The following CABLES2 variants were observed in gnomAD, a reference collection of about 807,000 sequenced individuals.
CABLES2 encodes CDK5 and ABL1 enzyme substrate 2.
In CABLES2, 35 loss-of-function variants were observed where a neutral mutation model predicts 44.8. The ratio of observed to expected loss-of-function variants is 0.78; its 90% CI spans 0.60 to 1.04. The LOEUF (loss-of-function observed/expected upper bound fraction) is 1.04. Ranked by LOEUF, CABLES2 falls within the 50% of genes least tolerant of loss-of-function variation. The pLI, the probability that CABLES2 is intolerant of heterozygous loss-of-function variation, is 0.00. For synonymous variants in CABLES2, 282 were observed against 281.1 expected, an observed-to-expected ratio of 1.00 and a Z score of -0.03; for missense variants, 566 against 615.7, an observed-to-expected ratio of 0.92 and a Z score of 0.85.
At chr20:62,394,850 C>T (rs567502952) in intron 4 of CABLES2, 87 bp downstream of exon 4, 29 of 1,262,924 alleles carry the variant, frequency 2.3e-5, no homozygotes, top group African/African-American at 1.8e-4. Flanking sequence ...GCGCAGTGCC[C>T]GCTGATGCCT....
Position 62,407,242 on chromosome 20 carries a change from G to T in CABLES2, c.35C>A (p.Pro12Gln), listed in dbSNP as rs1250790930. Residue 12 changes from proline to glutamine, a missense_variant, in exon 1 of 10, where the codon CCG becomes CAG. Pro to Gln is a moderately conservative substitution (Grantham distance 76). Around this residue, in one of 2 missense-constraint regions of CABLES2, gnomAD observed 130 missense variants for 79.4 expected, o/e 1.64. Coordinates refer to ENST00000279101, the MANE Select transcript of CABLES2 (RefSeq NM_031215.3). ...AAAAAGGAPG[P>Q]APGPAGPPPP... ...CGGGGGCCCGGCGGGGCCGGGGGCC[G>T]GGCCCGGGGCTCCACCGGCCGCGGC... 3.8e-6 allele frequency: 3 copies of T among 781,166 alleles called. No homozygotes were observed. Among genetic ancestry groups the T allele is most frequent in the Middle Eastern group, 6.5e-4 (1 of 1,542 alleles). 48.4% of individuals were successfully genotyped at this position (781,166 alleles called of 1,614,324 possible).
In CABLES2 at chr20:62,396,248, C is replaced by G; in HGVS notation, c.527+67G>C. 7.4e-7 allele frequency: 1 copy of G among 1,353,812 alleles called. No individual in the cohort carries two copies. The highest frequency in any genetic ancestry group is 1.4e-5 in the African/African-American group (1 of 69,576). The allele number at this position is 1,353,812 out of a possible 1,614,324, so 83.9% of individuals were successfully genotyped here. A position where few individuals can be genotyped will look rare whatever the true frequency, so the allele number is the denominator to read the frequency against. On this transcript the variant is annotated intron_variant, in intron 3 of 9. Transcript: ENST00000279101. This position sits in a 1 kb window ranked among gnomAD's most constrained non-coding sequence, Gnocchi z 5.7. Reference sequence around the variant, plus strand: ...AGTGGAGGGAAGATTGCTTGGCTGACAGGGGCAGGACCCCGTGGGCTTATG... The same window carrying G: ...AGTGGAGGGAAGATTGCTTGGCTGAGAGGGGCAGGACCCCGTGGGCTTATG...
In CABLES2 at chr20:62,407,008, G is replaced by T; in HGVS notation, c.269C>A (p.Pro90His). 1 of 1,181,020 alleles carries T rather than the reference G, an allele frequency of 8.5e-7. No homozygotes were observed. Among genetic ancestry groups the T allele is most frequent in the Non-Finnish European group, 1.0e-6 (1 of 955,184 alleles). 73.2% of individuals were successfully genotyped at this position (1,181,020 alleles called of 1,614,324 possible). ...EPPAPPPPEPPTGLPARTPAP... is the reference protein window; with the variant it reads ...EPPAPPPPEPHTGLPARTPAP... ...GGGGGTCCTGGCGGGCAGCCCGGTG[G>T]GGGGCTCCGGCGGCGGCGGCGCTGG... is the stretch of plus-strand genomic sequence containing the variant. The change falls in exon 1 of 10, where the codon CCC becomes CAC. Residue 90 changes from proline to histidine, a missense_variant. Physicochemically the swap from Pro to His is moderately conservative, Grantham distance 77 (BLOSUM62 -2). Transcript: ENST00000279101.
At chr20:62,403,218 G>A (rs919609475) in intron 1 of CABLES2, 1 of 152,244 alleles carries the variant, frequency 6.6e-6, no homozygotes. Context: ...TAGGTTGAAG[G>A]GTATCGCCCC....
rs1988031916 is a variant in CABLES2 at position 62,396,908 on chromosome 20, G to A, written c.363-316C>T. On this transcript the variant is annotated intron_variant, in intron 1 of 9. Coordinates refer to ENST00000279101, the MANE Select transcript of CABLES2 (RefSeq NM_031215.3). The surrounding 1 kb of genome is among the most constrained non-coding windows in gnomAD (Gnocchi z 5.7). ...CTGCCCTGCCCACCGAGGGTCGCTC[G>A]GCCCCAAGCAACACCCTGCTGGGGG... 6.6e-6 allele frequency among the ~76,000 whole-genome samples: 1 copy of A among 152,054 alleles called. No individual in the cohort carries two copies. The highest frequency in any genetic ancestry group is 1.5e-5 in the Non-Finnish European group (1 of 67,994).
intron 1 of CABLES2, among the ~76,000 whole-genome samples, chr20:62,397,927 T>TGATGGTGATGGC (rs1555890654): frequency 5.0e-5 from 5 of 100,178 alleles, no homozygotes; most frequent in Admixed American, 4.7e-4. Flanking sequence ...GTGGTGATGG[T>TGATGGTGATGGC]GGTGGTGGTG....
At chr20:62,404,798 G>A (rs999419707) in intron 1 of CABLES2, 5 of 152,410 alleles carry the variant, frequency 3.3e-5, no homozygotes, top group Non-Finnish European at 5.9e-5. Flanking sequence ...GGGTGGTGGC[G>A]CTTGGGCCCA....
intron 3 of CABLES2, among the ~76,000 whole-genome samples, chr20:62,395,962 G>A (rs1007773467): frequency 6.6e-6 from 1 of 152,192 alleles, no homozygotes; most frequent in Non-Finnish European, 1.5e-5. Context: ...TCTCCTCCGT[G>A]CTCCCAACAA....
Position 62,390,787 on chromosome 20 carries a change from A to G in CABLES2, c.*184T>C. ...CGGAGGGACGGTGCACTTGGGGATGAAAGCGACGTCTCTTTCCAAGGAAAT... is the reference window on the plus strand; with the variant it reads ...CGGAGGGACGGTGCACTTGGGGATGGAAGCGACGTCTCTTTCCAAGGAAAT... On this transcript the variant is annotated 3_prime_UTR_variant, in exon 10 of 10. Coordinates refer to ENST00000279101, the MANE Select transcript of CABLES2 (RefSeq NM_031215.3). 1 of 640,144 alleles carries G rather than the reference A, an allele frequency of 1.6e-6. No homozygotes were observed. Among genetic ancestry groups the G allele is most frequent in the Non-Finnish European group, 2.7e-6 (1 of 373,556 alleles). 39.7% of individuals were successfully genotyped at this position (640,144 alleles called of 1,614,324 possible).
Position 62,391,051 on chromosome 20 carries a change from G to A in CABLES2, c.1357C>T (p.Leu453Phe). The stretch of plus-strand genomic sequence containing the variant: ...TACAGGGCCAGCTCCAAGGCCACGA[G>A]CACTGTGAACTCAAACCCTATCAGG... The part of the protein sequence containing the change: ...RDLIGFEFTV[L>F]VALELALYLP... The change falls in exon 10 of 10, where the codon CTC becomes TTC. Residue 453 changes from leucine (L) to phenylalanine (F), a missense_variant. By Grantham distance (22) the Leu-to-Phe change is conservative. Coordinates refer to ENST00000279101, the MANE Select transcript of CABLES2 (RefSeq NM_031215.3). The surrounding 1 kb of genome is among the most constrained non-coding windows in gnomAD (Gnocchi z 5.7). 1 of 1,614,156 alleles carries A rather than the reference G, an allele frequency of 6.2e-7. No homozygotes were observed. The highest frequency in any genetic ancestry group is 8.5e-7 in the Non-Finnish European group (1 of 1,180,024).
intron 1 of CABLES2, among the ~76,000 whole-genome samples, chr20:62,398,103 GTGA>G (rs1335539774): frequency 4.2e-4 from 59 of 141,044 alleles, no homozygotes; most frequent in Non-Finnish European, 4.8e-4. Flanking sequence ...GGTGGTGGTG[GTGA>G]TGGTGGTGGT....
rs1463654357 is a variant in CABLES2 at position 62,396,556 on chromosome 20, A to G, written c.399T>C (p.Phe133=). The change falls in exon 2 of 10, where the codon TTT becomes TTC. Residue 133 remains phenylalanine (F), a synonymous_variant. Transcript: ENST00000279101. This position sits in a 1 kb window ranked among gnomAD's most constrained non-coding sequence, Gnocchi z 5.7. ...RVTSQRCSLE[F]LEDAVGCAPA... ...GAGCGCATCCCACGGCATCTTCCAG[A>G]AACTCCAGGGAGCAGCGCTGGGACG... 6.2e-7 allele frequency: 1 copy of G among 1,613,638 alleles called. No individual in the cohort carries two copies. Among genetic ancestry groups the G allele is most frequent in the Non-Finnish European group, 8.5e-7 (1 of 1,179,898 alleles).
chr20:62,400,330 G>A (rs572518912), intron 1 of CABLES2, among the ~76,000 whole-genome samples: 1 of 152,318 alleles, frequency 6.6e-6, no homozygotes, highest in African/African-American at 2.4e-5. Flanking sequence ...GGCAGTGGGA[G>A]GGGCAGAGCA....
Position 62,399,032 on chromosome 20 carries a change from C to T in CABLES2, c.363-2440G>A, listed in dbSNP as rs562988947. Among the ~76,000 whole-genome samples the T allele has an allele frequency of 5.3e-4, 81 of 152,312 alleles. No individual in the cohort carries two copies. In the South Asian group the frequency reaches 0.016, roughly 31 times the overall value. On this transcript the variant is annotated intron_variant, in intron 1 of 9. Coordinates refer to ENST00000279101, the MANE Select transcript of CABLES2 (RefSeq NM_031215.3). ...CGCCATCTTGGCTCACTGCAACCTC[C>T]GCCTGCTGGATTCAAGCAATCCTCT...
At position 62,407,202 on chromosome 20, in the gene CABLES2, C is replaced by CGGCGCGGCGGGTGGCGGG. The variant is rs1305841850; in HGVS notation, c.57_74dup (p.Pro20_Pro25dup). 3.1e-6 allele frequency: 3 copies of CGGCGCGGCGGGTGGCGGG among 979,416 alleles called. No homozygotes were observed. The highest frequency in any genetic ancestry group is 1.8e-5 in the African/African-American group (1 of 56,004). 60.7% of individuals were successfully genotyped at this position (979,416 alleles called of 1,614,324 possible). ...GCGGCGGGGCCCGAGCGGCCGAGGT[C>CGGCGCGGCGGGTGGCGGG]GGCGCGGCGGGTGGCGGGGGCCCGG... On this transcript the variant is annotated inframe_insertion, in exon 1 of 10. Transcript: ENST00000279101.
At position 62,396,751 on chromosome 20, in the gene CABLES2, C is replaced by T. The variant is rs574338244; in HGVS notation, c.363-159G>A. ...CTTCCAGAGCCCATGCAGACTGAGG[C>T]GGGGAGGAGGGGCACCTCCTGCCTT... On this transcript the variant is annotated intron_variant, in intron 1 of 9. Transcript: ENST00000279101. The surrounding 1 kb of genome is among the most constrained non-coding windows in gnomAD (Gnocchi z 5.7). Among the ~76,000 whole-genome samples the T allele has an allele frequency of 7.0e-4, 107 of 151,978 alleles. No individual in the cohort carries two copies. Among genetic ancestry groups the T allele is most frequent in the African/African-American group, 2.5e-3 (102 of 41,478 alleles).
chr20:62,394,044 C>T (rs753770407), intron 5 of CABLES2, 113 bp downstream of exon 5: 153 of 847,340 alleles, frequency 1.8e-4, no homozygotes, highest in Non-Finnish European at 2.6e-4. Flanking sequence ...TTGCGTTTTA[C>T]GTGGAGTGAA....
At chr20:62,403,363 C>T (rs1286424040) in intron 1 of CABLES2, 1 of 152,254 alleles carries the variant, frequency 6.6e-6, no homozygotes, top group African/African-American at 2.4e-5. Flanking sequence ...AGGTTAAGTC[C>T]TAATCCAATG....
rs949989017 is a variant in CABLES2 at position 62,390,625 on chromosome 20, T to G, written c.*346A>C. The G allele has an allele frequency of 6.9e-6, 2 of 290,236 alleles. No individual in the cohort carries two copies. Among genetic ancestry groups the G allele is most frequent in the Non-Finnish European group, 1.3e-5 (2 of 150,908 alleles). The allele number at this position is 290,236 out of a possible 1,614,324, so 18.0% of individuals were successfully genotyped here. A position where few individuals can be genotyped will look rare whatever the true frequency, so the allele number is the denominator to read the frequency against. ...GAAGGCGAGGCCAGGGGAGACACAC[T>G]GCAGCCGGCTCGCTGCTGCACGCTG... On this transcript the variant is annotated 3_prime_UTR_variant, in exon 10 of 10. Coordinates refer to ENST00000279101, the MANE Select transcript of CABLES2 (RefSeq NM_031215.3).
Sources: allele counts gnomAD v4.1 joint callset (sites outside exome capture counted in the v4.1 genomes callset), GRCh38; gene constraint gnomAD v4.1.1; regional missense constraint gnomAD v4.1.1; non-coding constraint Gnocchi (gnomAD v3.1); transcripts MANE v1.5; gene names NCBI Gene and HGNC (gene_info 2026-07-23, HGNC 2026-07-21).